Variants in SH3GL2 observed in about 807,000 individuals in gnomAD.
SH3GL2 encodes the protein endophilin-A1.
SH3GL2 carries 24 observed loss-of-function variants against 46.0 expected under a neutral mutation model. The ratio of observed to expected loss-of-function variants is 0.52; its 90% confidence interval spans 0.38 to 0.73. The LOEUF is 0.73. Among genes scored for constraint, SH3GL2 ranks in the 30% least tolerant of loss-of-function variants. The pLI is 0.00. For synonymous variants in SH3GL2, 196 were observed against 147.1 expected (o/e 1.33, Z -2.40); for missense variants, 413 against 424.2 (o/e 0.97, Z 0.23).
At chr9:17,694,368 C>T (rs1821154480) in intron 1 of SH3GL2, among the ~76,000 whole-genome samples, 1 of 152,018 alleles carries the variant, frequency 6.6e-6, no homozygotes, top group Admixed American at 6.6e-5. Flanking sequence ...TGTTGATTGC[C>T]TATTTTTTAA....
At chr9:17,713,367 C>G (rs1193473873) in intron 1 of SH3GL2, among the ~76,000 whole-genome samples, 1 of 151,276 alleles carries the variant, frequency 6.6e-6, no homozygotes, top group African/African-American at 2.4e-5. Flanking sequence ...GCATCATTGA[C>G]TTTTCTGTAC....
intron 1 of SH3GL2, among the ~76,000 whole-genome samples, chr9:17,613,177 C>T (rs548183186): frequency 6.6e-6 from 1 of 152,200 alleles, no homozygotes; most frequent in East Asian, 1.9e-4. Flanking sequence ...CATTGCTTTT[C>T]TGATGCCACG....
At chr9:17,638,737 G>T (rs1366346140) in intron 1 of SH3GL2, among the ~76,000 whole-genome samples, 1 of 152,180 alleles carries the variant, frequency 6.6e-6, no homozygotes, top group Admixed American at 6.5e-5. Context: ...CAACAGGTAG[G>T]TGGGCCTCCC....
intron 1 of SH3GL2, among the ~76,000 whole-genome samples, chr9:17,742,635 A>G (rs893445462): frequency 1.3e-5 from 2 of 152,210 alleles, no homozygotes; most frequent in East Asian, 1.9e-4. Flanking sequence ...GTGAAATTCA[A>G]CAAATCTTTA....
chr9:17,661,443 C>T (rs1820211999), intron 1 of SH3GL2, among the ~76,000 whole-genome samples: 2 of 151,956 alleles, frequency 1.3e-5, no homozygotes, highest in Admixed American at 6.5e-5. Context: ...TGAATAAAAC[C>T]AACCGAAAAA....
intron 1 of SH3GL2, among the ~76,000 whole-genome samples, chr9:17,692,414 G>C (rs1427182723): frequency 1.3e-5 from 2 of 152,050 alleles, no homozygotes; most frequent in Non-Finnish European, 2.9e-5. Flanking sequence ...GAGAGGCCAA[G>C]GTGGGTGGAT....
intron 1 of SH3GL2, among the ~76,000 whole-genome samples, chr9:17,679,311 G>A (rs1023005531): frequency 6.6e-6 from 1 of 152,088 alleles, no homozygotes; most frequent in Non-Finnish European, 1.5e-5. Context: ...ATTTCGTTGA[G>A]CACTGGTTTG....
chr9:17,734,681 G>A (rs1822276307), intron 1 of SH3GL2, among the ~76,000 whole-genome samples: 2 of 152,074 alleles, frequency 1.3e-5, no homozygotes, highest in Admixed American at 1.3e-4. Context: ...ATAATGCTAT[G>A]TGAAACAAGC....
rs1824261467 is a variant in SH3GL2 at position 17,795,886 on chromosome 9, T to C, written c.*143T>C. 1 of 656,956 alleles carries C rather than the reference T, an allele frequency of 1.5e-6. No homozygotes were observed. Among genetic ancestry groups the C allele is most frequent in the African/African-American group, 1.8e-5 (1 of 55,010 alleles). The allele number at this position is 656,956 out of a possible 1,614,324, so 40.7% of individuals were successfully genotyped here. ...GCCCCACCAAGTGACTTTGGTTGAC[T>C]TGTGGGCTCCCACAGGAGTCATGGT... On this transcript the variant is annotated 3_prime_UTR_variant, in exon 9 of 9. Transcript: ENST00000380607.
At chr9:17,764,534 T>C (rs1823267878) in intron 3 of SH3GL2, among the ~76,000 whole-genome samples, 1 of 152,248 alleles carries the variant, frequency 6.6e-6, no homozygotes, top group Admixed American at 6.5e-5. Flanking sequence ...ATGCTGGTTC[T>C]GAATAAGCAA....
In SH3GL2 at chr9:17,786,685, A is replaced by C. The variant is rs552407020; in HGVS notation, c.331+161A>C. ...AAAAATTTGTTTTCAGAATTATTTCATCCGCTCTAATGTGATTTATCTTAC... is the reference window on the plus strand; with the variant it reads ...AAAAATTTGTTTTCAGAATTATTTCCTCCGCTCTAATGTGATTTATCTTAC... On this transcript the variant is annotated intron_variant, in intron 4 of 8. Transcript: ENST00000380607. Among the ~76,000 whole-genome samples the C allele has an allele frequency of 2.0e-5, 3 of 152,260 alleles. No homozygotes were observed. The South Asian group carries it at 6.2e-4, about 32-fold the overall frequency.
intron 1 of SH3GL2, among the ~76,000 whole-genome samples, chr9:17,579,580 G>C (rs1225809330): frequency 6.6e-6 from 1 of 152,178 alleles, no homozygotes; most frequent in Non-Finnish European, 1.5e-5. Flanking sequence ...GCTGCAGGAA[G>C]GGGACCGCGG....
intron 2 of SH3GL2, 26 bp downstream of exon 2, chr9:17,747,160 TC>T (rs1399330586): frequency 6.8e-7 from 1 of 1,467,814 alleles, no homozygotes; most frequent in Non-Finnish European, 9.5e-7. Flanking sequence ...TGCCTAGTGT[TC>T]CCTTTGACAT....
intron 1 of SH3GL2, among the ~76,000 whole-genome samples, chr9:17,742,586 A>G (rs925592459): frequency 2.0e-5 from 3 of 152,212 alleles, no homozygotes; most frequent in Admixed American, 6.5e-5. Flanking sequence ...TGCTACCTCT[A>G]AGTCATCTTA....
intron 1 of SH3GL2, among the ~76,000 whole-genome samples, chr9:17,719,614 A>C (rs1821842862): frequency 6.6e-6 from 1 of 151,966 alleles, no homozygotes; most frequent in Non-Finnish European, 1.5e-5. Flanking sequence ...ACATAACAAG[A>C]CCCTGTCTCT....
At chr9:17,724,601 G>A (rs1003752326) in intron 1 of SH3GL2, among the ~76,000 whole-genome samples, 1 of 152,074 alleles carries the variant, frequency 6.6e-6, no homozygotes, top group East Asian at 1.9e-4. Context: ...GCATGTGTGT[G>A]TATGTGTTTG....
chr9:17,621,002 G>C (rs551573758), intron 1 of SH3GL2, among the ~76,000 whole-genome samples: 1 of 152,286 alleles, frequency 6.6e-6, no homozygotes, highest in South Asian at 2.1e-4. Flanking sequence ...TGTAGTTCAT[G>C]AGAAAGTTTT....
At chr9:17,615,450 A>T (rs1241646327) in intron 1 of SH3GL2, among the ~76,000 whole-genome samples, 2 of 151,946 alleles carry the variant, frequency 1.3e-5, no homozygotes, top group Admixed American at 1.3e-4. Context: ...AGGCCGGGAG[A>T]TTGAGACTAT....
intron 8 of SH3GL2, among the ~76,000 whole-genome samples, chr9:17,794,271 T>A (rs962908879): frequency 2.0e-5 from 3 of 152,380 alleles, no homozygotes; most frequent in African/African-American, 7.2e-5. Context: ...TGTCTTATAC[T>A]GGATGTGGAT....
Sources: allele counts gnomAD v4.1 joint callset (sites outside exome capture counted in the v4.1 genomes callset), GRCh38; gene constraint gnomAD v4.1.1; transcripts MANE v1.5; gene names NCBI Gene and HGNC (gene_info 2026-07-23, HGNC 2026-07-21).